The following TAOK1 variants were observed in gnomAD, a reference collection of about 807,000 sequenced individuals.
TAOK1 encodes serine/threonine-protein kinase TAO1.
In TAOK1, 21 loss-of-function variants were observed where a neutral mutation model predicts 138.3. The ratio of observed to expected loss-of-function variants is 0.15; its 90% CI spans 0.11 to 0.22. TAOK1 has a LOEUF of 0.22. TAOK1 is among the 10% of genes least tolerant of loss of function. TAOK1 has a pLI of 1.00. For missense variants in TAOK1, 651 were observed against 1,227.7 expected (o/e 0.53, Z 7.02); for synonymous variants, 361 against 398.4 (o/e 0.91, Z 1.12).
At chr17:29,414,287 C>G (rs189370231) in intron 1 of TAOK1, among the ~76,000 whole-genome samples, 1 of 151,962 alleles carries the variant, frequency 6.6e-6, no homozygotes, top group Non-Finnish European at 1.5e-5. Flanking sequence ...CTTGCTCGGT[C>G]GCCTAGGCTG....
rs56387760 is a variant in TAOK1 at position 29,480,398 on chromosome 17, A to G, written c.480A>G (p.Thr160=). Residue 160 remains threonine (T), a synonymous_variant, in exon 7 of 20, where the codon ACA becomes ACG. Transcript: ENST00000261716. ...RDIKAGNILL[T]EPGQVKLADF... ...TCAAAGCAGGAAATATCCTTCTGAC[A>G]GAACCAGGCCAGGTGAAACTTGCTG... 0.023 allele frequency: 36,881 copies of G among 1,612,856 alleles called. 502 individuals carry two copies. Among genetic ancestry groups the G allele is most frequent in the Non-Finnish European group, 0.028 (33,125 of 1,179,062 alleles).
rs1191562552 is a variant in TAOK1 at position 29,480,421 on chromosome 17, C to G, written c.503C>G (p.Ala168Gly). Residue 168 changes from alanine (A) to glycine (G), a missense_variant, in exon 7 of 20, where the codon GCT (alanine) becomes GGT (glycine). This residue lies in a region of TAOK1 where 116 missense variants were observed against 213.9 expected (regional missense o/e 0.54). Transcript: ENST00000261716. ...LLTEPGQVKLADFGSASMASP... is the reference protein window; with the variant it reads ...LLTEPGQVKLGDFGSASMASP... ...ACAGAACCAGGCCAGGTGAAACTTG[C>G]TGACTTTGGCTCTGCTTCCATGGCA... 1 of 1,613,406 alleles carries G rather than the reference C, an allele frequency of 6.2e-7. No individual in the cohort carries two copies. The highest frequency in any genetic ancestry group is 2.2e-5 in the East Asian group (1 of 44,850).
At chr17:29,505,891 T>A (rs1285495549) in intron 13 of TAOK1, among the ~76,000 whole-genome samples, 1 of 152,166 alleles carries the variant, frequency 6.6e-6, no homozygotes. Flanking sequence ...GCTGAGATCG[T>A]GCCACTGTAC....
rs147203802 is a variant in TAOK1 at position 29,475,765 on chromosome 17, A to G, written c.300A>G (p.Thr100=). The G allele has an allele frequency of 4.0e-4, 638 of 1,610,500 alleles. No homozygotes were observed. The African/African-American group carries it at 7.2e-3, about 18-fold the overall frequency. The change falls in exon 4 of 20, where the codon ACA becomes ACG. Residue 100 remains threonine (T), a synonymous_variant. Coordinates refer to ENST00000261716, the MANE Select transcript of TAOK1 (RefSeq NM_020791.4). The part of the protein sequence containing the change: ...EYKGCYLREH[T]AWLVMEYCLG... Reference sequence around the variant, plus strand: ...AAGGCTGTTATTTACGTGAACACACAGCATGGGTTGGTATTTGTTCTCCCC... The same window carrying G: ...AAGGCTGTTATTTACGTGAACACACGGCATGGGTTGGTATTTGTTCTCCCC...
chr17:29,499,589 T>C (rs2031487168), intron 12 of TAOK1, among the ~76,000 whole-genome samples: 1 of 148,436 alleles, frequency 6.7e-6, no homozygotes, highest in African/African-American at 2.5e-5. Context: ...GACAGAGTTT[T>C]GCTCTTGTTG....
intron 15 of TAOK1, among the ~76,000 whole-genome samples, chr17:29,517,216 C>T (rs1272395839): frequency 2.0e-5 from 3 of 151,708 alleles, no homozygotes; most frequent in Non-Finnish European, 4.4e-5. Context: ...TCTCGATCTC[C>T]TGACCTCATG....
chr17:29,502,655 C>G lies in TAOK1; in HGVS notation c.1270C>G (p.Gln424Glu). Residue 424 changes from glutamine (Q) to glutamate (E), a missense_variant, in exon 13 of 20, where the codon CAA becomes GAA. Gln to Glu is a conservative substitution (Grantham distance 29). Coordinates refer to ENST00000261716, the MANE Select transcript of TAOK1 (RefSeq NM_020791.4). ...AGCATCAGATCCACAATCTCCACCC[C>G]AAGTATCTCGTCACAAATCACACTA... ...TRASDPQSPP[Q>E]VSRHKSHYRN... The G allele has an allele frequency of 6.2e-7, 1 of 1,613,910 alleles. No individual in the cohort carries two copies. The highest frequency in any genetic ancestry group is 8.5e-7 in the Non-Finnish European group (1 of 1,179,966).
rs375711707 is a variant in TAOK1 at position 29,491,308 on chromosome 17, G to A, written c.750-476G>A. ...GGTTTAATGGAAGTCTTATCCATTT[G>A]CTCAGGGGCACCAAATACTCAGGTA... is the stretch of plus-strand genomic sequence containing the variant. On this transcript the variant is annotated intron_variant, in intron 9 of 19. Transcript: ENST00000261716. Among the ~76,000 whole-genome samples, 222 of 152,148 alleles carry A rather than the reference G, an allele frequency of 1.5e-3. 1 individual carries two copies. The highest frequency in any genetic ancestry group is 4.9e-3 in the African/African-American group (205 of 41,514).
chr17:29,444,422 A>C (rs1323795371), intron 1 of TAOK1, among the ~76,000 whole-genome samples: 1 of 152,212 alleles, frequency 6.6e-6, no homozygotes. Flanking sequence ...GTATAGAAAA[A>C]GAAGCAGTTA....
At position 29,498,395 on chromosome 17, in the gene TAOK1, C is replaced by T; in HGVS notation, c.1077C>T (p.Ile359=). Residue 359 remains isoleucine, a synonymous_variant, in exon 12 of 20, where the codon ATC becomes ATT. Coordinates refer to ENST00000261716, the MANE Select transcript of TAOK1 (RefSeq NM_020791.4). The part of the protein sequence containing the change: ...GSNQSIPSMS[I]SASSQSSSVN... ...ATCAATCCATTCCCAGCATGTCCAT[C>T]AGTGCCAGCAGCCAAAGCAGTAGTG... 6.2e-7 allele frequency: 1 copy of T among 1,614,178 alleles called. No individual in the cohort carries two copies. Among genetic ancestry groups the T allele is most frequent in the Non-Finnish European group, 8.5e-7 (1 of 1,180,032 alleles).
rs1333855538 is a variant in TAOK1 at position 29,546,081 on chromosome 17, C to A, written c.*3059C>A. 1.3e-5 allele frequency: 2 copies of A among 152,074 alleles called. No individual in the cohort carries two copies. The highest frequency in any genetic ancestry group is 4.8e-5 in the African/African-American group (2 of 41,416). 9.4% of individuals were successfully genotyped at this position (152,074 alleles called of 1,614,324 possible). ...CTCCCCTTATTGAAGTCAGCTCTAA[C>A]CCCAAATTCTAGTATCCAAAAGTAT... On this transcript the variant is annotated 3_prime_UTR_variant, in exon 20 of 20. Coordinates refer to ENST00000261716, the MANE Select transcript of TAOK1 (RefSeq NM_020791.4).
chr17:29,466,985 G>A (rs2030684124), intron 2 of TAOK1, among the ~76,000 whole-genome samples, 160 bp from the exon 3 acceptor site: 1 of 151,976 alleles, frequency 6.6e-6, no homozygotes, highest in Non-Finnish European at 1.5e-5. Context: ...AATTTTATAA[G>A]TATTGCTGTA....
At chr17:29,483,795 T>C (rs1310604679) in intron 8 of TAOK1, among the ~76,000 whole-genome samples, 1 of 152,208 alleles carries the variant, frequency 6.6e-6, no homozygotes, top group African/African-American at 2.4e-5. Flanking sequence ...TTTCTTCCAT[T>C]TGAAAGTACC....
intron 15 of TAOK1, among the ~76,000 whole-genome samples, chr17:29,515,849 G>T (rs1054252711): frequency 2.6e-5 from 4 of 151,804 alleles, no homozygotes; most frequent in African/African-American, 9.7e-5. Context: ...AAAAAAGAAA[G>T]ATGTAAATAC....
intron 1 of TAOK1, among the ~76,000 whole-genome samples, chr17:29,413,117 C>T (rs1227774492): frequency 6.6e-6 from 1 of 152,072 alleles, no homozygotes; most frequent in South Asian, 2.1e-4. Context: ...GAATGGCTTA[C>T]TCATAGTCAT....
chr17:29,431,924 A>G (rs58242033), intron 1 of TAOK1, among the ~76,000 whole-genome samples: 21,100 of 150,624 alleles, frequency 0.14, 1,567 homozygotes, highest in South Asian at 0.24. Context: ...CTCCTACCTC[A>G]GCCTCCTGAG....
At chr17:29,470,407 G>A (rs1455987888) in intron 3 of TAOK1, among the ~76,000 whole-genome samples, 1 of 152,000 alleles carries the variant, frequency 6.6e-6, no homozygotes, top group Non-Finnish European at 1.5e-5. Context: ...TTTAGAGTCT[G>A]CATTTAGGAA....
At chr17:29,499,959 T>C (rs1210636514) in intron 12 of TAOK1, among the ~76,000 whole-genome samples, 1 of 152,196 alleles carries the variant, frequency 6.6e-6, no homozygotes, top group Admixed American at 6.5e-5. Flanking sequence ...CCCTTTTGAA[T>C]ATAAAATGTT....
At chr17:29,482,093 C>G in intron 7 of TAOK1, 104 bp from the exon 8 acceptor site, 1 of 777,576 alleles carries the variant, frequency 1.3e-6, no homozygotes, top group Non-Finnish European at 2.1e-6. Flanking sequence ...GATATATTGG[C>G]TAGAATTCAA....
Sources: gnomAD v4.1 joint callset for allele counts (sites outside exome capture counted in the v4.1 genomes callset) on GRCh38, gnomAD v4.1.1 for gene constraint, gnomAD v4.1.1 regional missense constraint, MANE v1.5 for transcripts, NCBI Gene and HGNC (gene_info 2026-07-23, HGNC 2026-07-21) for gene names.